RBFOX1: variants seen among roughly 807,000 people sequenced by gnomAD.
RBFOX1 encodes RNA binding fox-1 homolog 1, also known as RNA binding protein fox-1 homolog 1.
In RBFOX1, 8 loss-of-function variants were observed where a neutral mutation model predicts 57.7. That is an observed-to-expected ratio of 0.14 (90% CI 0.08 to 0.25). RBFOX1 has a LOEUF of 0.25. Ranked by LOEUF, RBFOX1 falls within the 10% of genes least tolerant of loss-of-function variation. The pLI is 1.00. For missense variants in RBFOX1, 611 were observed against 548.5 expected (o/e 1.11, Z -1.14); for synonymous variants, 326 against 222.4 (o/e 1.47, Z -4.15).
At chr16:6,277,522 A>G (rs2075946524) in intron 1 of RBFOX1, among the ~76,000 whole-genome samples, 2 of 149,692 alleles carry the variant, frequency 1.3e-5, no homozygotes, top group African/African-American at 4.9e-5. Flanking sequence ...CTTTTATCTC[A>G]GCACTTTGAG....
At chr16:6,845,830 C>G (rs1388519051) in intron 3 of RBFOX1, among the ~76,000 whole-genome samples, 1 of 152,186 alleles carries the variant, frequency 6.6e-6, no homozygotes, top group African/African-American at 2.4e-5. Context: ...CTCTTCCTTA[C>G]CCCTCTTGGG....
intron 1 of RBFOX1, among the ~76,000 whole-genome samples, chr16:5,384,522 G>C (rs1376353058): frequency 6.6e-6 from 1 of 152,172 alleles, no homozygotes; most frequent in Non-Finnish European, 1.5e-5. Flanking sequence ...GCAAGAGTAG[G>C]CCAGGCAGAG....
At chr16:6,635,947 A>T (rs892554507) in intron 2 of RBFOX1, among the ~76,000 whole-genome samples, 3 of 152,110 alleles carry the variant, frequency 2.0e-5, no homozygotes, top group Admixed American at 2.0e-4. Context: ...TATCTTGGGG[A>T]TGGGACCCAA....
chr16:6,403,555 G>A (rs1056534432), intron 2 of RBFOX1, among the ~76,000 whole-genome samples: 1 of 151,994 alleles, frequency 6.6e-6, no homozygotes, highest in Non-Finnish European at 1.5e-5. Context: ...GTAGAGATGT[G>A]GTCTCACTAT....
At chr16:6,855,876 TTCCCTCCTTGTC>T (rs1008936897) in intron 3 of RBFOX1, among the ~76,000 whole-genome samples, 4 of 150,220 alleles carry the variant, frequency 2.7e-5, no homozygotes, top group South Asian at 2.2e-4. Context: ...CCCTGCTTTC[TTCCCTCCTTGTC>T]TCCCTCCTTA....
At chr16:6,360,354 A>G (rs938768595) in intron 2 of RBFOX1, among the ~76,000 whole-genome samples, 1 of 152,140 alleles carries the variant, frequency 6.6e-6, no homozygotes, top group Non-Finnish European at 1.5e-5. Context: ...ATTTAATACT[A>G]TTATACTTGC....
At chr16:6,946,072 C>T (rs1482909435) in intron 3 of RBFOX1, among the ~76,000 whole-genome samples, 1 of 152,196 alleles carries the variant, frequency 6.6e-6, no homozygotes, top group African/African-American at 2.4e-5. Flanking sequence ...GCACCCTTTC[C>T]CCAGCAACCT....
At chr16:5,265,728 T>C (rs968440403) in intron 1 of RBFOX1, among the ~76,000 whole-genome samples, 8 of 152,160 alleles carry the variant, frequency 5.3e-5, no homozygotes, top group Non-Finnish European at 8.8e-5. Flanking sequence ...GGCAACAGCC[T>C]GACTATCAGA....
intron 4 of RBFOX1, among the ~76,000 whole-genome samples, chr16:7,112,438 C>T (rs1044829369): frequency 9.3e-5 from 14 of 150,730 alleles, no homozygotes; most frequent in Non-Finnish European, 2.1e-4. Flanking sequence ...AACTCCTGGC[C>T]TCAAGTTGTC....
At chr16:5,868,558 G>A (rs138054470) in intron 4 of RBFOX1, among the ~76,000 whole-genome samples, 23 of 152,336 alleles carry the variant, frequency 1.5e-4, no homozygotes, top group African/African-American at 5.5e-4. Flanking sequence ...TTATCCACAA[G>A]TATCCATTCC....
chr16:6,250,479 C>T (rs1013797998), intron 1 of RBFOX1, among the ~76,000 whole-genome samples: 1 of 152,142 alleles, frequency 6.6e-6, no homozygotes, highest in East Asian at 1.9e-4. Flanking sequence ...GGGCAGAGCA[C>T]AGGCAGTACA....
At chr16:5,457,316 G>C (rs967479902) in intron 1 of RBFOX1, among the ~76,000 whole-genome samples, 2 of 152,120 alleles carry the variant, frequency 1.3e-5, no homozygotes, top group Non-Finnish European at 2.9e-5. Context: ...TATATTTTTA[G>C]TAGAGATGGG....
intron 3 of RBFOX1, among the ~76,000 whole-genome samples, chr16:5,696,212 A>C (rs550258427): frequency 6.6e-6 from 1 of 152,182 alleles, no homozygotes; most frequent in East Asian, 1.9e-4. Flanking sequence ...GCCTCTGGGT[A>C]CCTTCTCCCA....
Position 6,088,659 on chromosome 16 carries a change from A to T in RBFOX1, c.-127+68667A>T, listed in dbSNP as rs2096124650. Among the ~76,000 whole-genome samples the T allele has an allele frequency of 1.3e-5, 2 of 152,138 alleles. 1 individual carries two copies. The highest frequency in any genetic ancestry group is 4.2e-4 in the South Asian group (2 of 4,816). ...TTTCCTTCTGAGCACTCACATTTTA[A>T]TGCTGGGAATTTTATGCTGAGGTTC... is the stretch of plus-strand genomic sequence containing the variant. On this transcript the variant is annotated intron_variant, in intron 1 of 15. Coordinates refer to ENST00000550418, the MANE Select transcript of RBFOX1 (RefSeq NM_018723.4).
chr16:7,487,679 ACT>A (rs1233088134), intron 4 of RBFOX1, among the ~76,000 whole-genome samples: 1 of 152,090 alleles, frequency 6.6e-6, no homozygotes, highest in Non-Finnish European at 1.5e-5. Flanking sequence ...ACGCACAGAC[ACT>A]CACACACACA....
intron 3 of RBFOX1, among the ~76,000 whole-genome samples, chr16:5,722,939 G>A (rs2051991147): frequency 6.6e-6 from 1 of 152,068 alleles, no homozygotes; most frequent in Admixed American, 6.5e-5. Context: ...TGATCGGTTT[G>A]GTGTTTCCTT....
rs35363634 is a variant in RBFOX1 at position 6,417,412 on chromosome 16, C to CTTTTTT, written c.-64+100369_-64+100374dup. 2.6e-5 allele frequency among the ~76,000 whole-genome samples: 3 copies of CTTTTTT among 116,150 alleles called. 1 individual carries two copies. Among genetic ancestry groups the CTTTTTT allele is most frequent in the Admixed American group, 2.0e-4 (2 of 9,980 alleles). The allele number at this position is 116,150 out of a possible 152,430, so 76.2% of individuals were successfully genotyped here. On this transcript the variant is annotated intron_variant, in intron 2 of 15. Transcript: ENST00000550418. The stretch of plus-strand genomic sequence containing the variant: ...AGTTAGTCAAATATAAATGTGTTTA[C>CTTTTTT]TTTTTTTTTTTTTTTTTTTGAGACT...
At chr16:5,266,619 C>T (rs1048830622) in intron 1 of RBFOX1, among the ~76,000 whole-genome samples, 2 of 144,842 alleles carry the variant, frequency 1.4e-5, no homozygotes, top group East Asian at 4.1e-4. Flanking sequence ...ACGATCATGG[C>T]TCACTGCAGC....
At chr16:5,378,960 C>G (rs988063051) in intron 1 of RBFOX1, among the ~76,000 whole-genome samples, 2 of 151,614 alleles carry the variant, frequency 1.3e-5, no homozygotes, top group African/African-American at 4.9e-5. Flanking sequence ...TACTCTGCTG[C>G]CAATAATCTT....
Sources: allele counts gnomAD v4.1 joint callset (sites outside exome capture counted in the v4.1 genomes callset), GRCh38; gene constraint gnomAD v4.1.1; transcripts MANE v1.5; gene names NCBI Gene and HGNC (gene_info 2026-07-23, HGNC 2026-07-21).